Variants in ARHGAP24 observed in about 807,000 individuals in gnomAD.
ARHGAP24 encodes the protein Rho GTPase activating protein 24.
In ARHGAP24, 50 loss-of-function variants were observed where a neutral mutation model predicts 76.4. The observed-to-expected ratio is 0.65, with a 90% CI of 0.52 to 0.83. The LOEUF (loss-of-function observed/expected upper bound fraction) is 0.83. Ranked by LOEUF, ARHGAP24 falls within the 40% of genes least tolerant of loss-of-function variation. ARHGAP24 has a pLI of 0.00. For synonymous variants in ARHGAP24, 345 were observed against 323.3 expected, an observed-to-expected ratio of 1.07 and a Z score of -0.72; for missense variants, 930 against 914.2, an observed-to-expected ratio of 1.02 and a Z score of -0.22.
chr4:85,755,076 A>G (rs1446454237), intron 3 of ARHGAP24, among the ~76,000 whole-genome samples: 3 of 152,204 alleles, frequency 2.0e-5, no homozygotes, highest in African/African-American at 4.8e-5. Flanking sequence ...CACAAACCCT[A>G]TATTAGGCCC....
At chr4:85,980,110 CT>C (rs1739568880) in intron 8 of ARHGAP24, among the ~76,000 whole-genome samples, 1 of 152,156 alleles carries the variant, frequency 6.6e-6, no homozygotes, top group East Asian at 1.9e-4. Context: ...CTCCTGACTT[CT>C]TTTAGTGGGG....
chr4:85,940,491 A>G (rs1057480232), intron 4 of ARHGAP24, among the ~76,000 whole-genome samples: 3 of 152,088 alleles, frequency 2.0e-5, no homozygotes, highest in African/African-American at 7.2e-5. Flanking sequence ...ATTGAACAGG[A>G]CTATGCCACA....
At chr4:85,835,537 CAG>C (rs372480212) in intron 3 of ARHGAP24, among the ~76,000 whole-genome samples, 96 of 118,494 alleles carry the variant, frequency 8.1e-4, no homozygotes, top group African/African-American at 2.8e-3. Flanking sequence ...GCCTGGGTGA[CAG>C]AGTGAGACTC....
At chr4:85,803,907 T>C (rs561973454) in intron 3 of ARHGAP24, among the ~76,000 whole-genome samples, 1 of 152,154 alleles carries the variant, frequency 6.6e-6, no homozygotes, top group African/African-American at 2.4e-5. Flanking sequence ...GGAATTTTTA[T>C]ATTTTTTTAT....
intron 1 of ARHGAP24, among the ~76,000 whole-genome samples, chr4:85,485,361 AAAAAAAAAAAAAAAAATATATATAT>A (rs1226180376): frequency 1.9e-4 from 11 of 58,986 alleles, no homozygotes; most frequent in African/African-American, 2.4e-4. Flanking sequence ...AAAAAAAAAA[AAAAAAAAAAAAAAAAATATATATAT>A]ATATATATAT....
chr4:85,853,040 A>G (rs1731328136), intron 3 of ARHGAP24, among the ~76,000 whole-genome samples: 1 of 152,212 alleles, frequency 6.6e-6, no homozygotes, highest in Non-Finnish European at 1.5e-5. Context: ...AGTCTGCAGA[A>G]GTTTCTGCTG....
intron 3 of ARHGAP24, among the ~76,000 whole-genome samples, chr4:85,838,083 C>G (rs945622410): frequency 2.0e-5 from 3 of 152,182 alleles, no homozygotes; most frequent in East Asian, 3.8e-4. Flanking sequence ...GCCAGCCACT[C>G]TCCTAAGCAT....
intron 5 of ARHGAP24, among the ~76,000 whole-genome samples, chr4:85,946,950 A>C (rs1282985249): frequency 6.6e-6 from 1 of 152,164 alleles, no homozygotes; most frequent in Non-Finnish European, 1.5e-5. Flanking sequence ...TCCCATTAAC[A>C]GTGATTAAGT....
At chr4:85,711,192 G>T (rs2110034646) in intron 2 of ARHGAP24, among the ~76,000 whole-genome samples, 1 of 152,114 alleles carries the variant, frequency 6.6e-6, no homozygotes, top group Admixed American at 6.6e-5. Context: ...CCAGCTAAAT[G>T]ATGAGAACAC....
intron 3 of ARHGAP24, among the ~76,000 whole-genome samples, chr4:85,736,059 T>A (rs1273603509): frequency 1.3e-5 from 2 of 152,214 alleles, no homozygotes; most frequent in Non-Finnish European, 2.9e-5. Flanking sequence ...TTATATATGC[T>A]GTTCCCTCTT....
intron 2 of ARHGAP24, among the ~76,000 whole-genome samples, chr4:85,581,272 A>C (rs1220363079): frequency 1.3e-5 from 2 of 152,126 alleles, no homozygotes; most frequent in African/African-American, 4.8e-5. Context: ...CTTATTGTTT[A>C]TGTTCATGTC....
intron 1 of ARHGAP24, among the ~76,000 whole-genome samples, chr4:85,561,492 G>A (rs1466208719): frequency 6.6e-6 from 1 of 150,796 alleles, no homozygotes; most frequent in Non-Finnish European, 1.5e-5. Flanking sequence ...AAAGTGAACT[G>A]AGAAAACTCA....
chr4:85,713,157 G>T (rs1276422339), intron 2 of ARHGAP24, among the ~76,000 whole-genome samples: 1 of 152,008 alleles, frequency 6.6e-6, no homozygotes, highest in East Asian at 1.9e-4. Context: ...AATTAGCCAG[G>T]CGTGGTGGCA....
At chr4:85,989,102 C>T (rs979382003) in intron 8 of ARHGAP24, among the ~76,000 whole-genome samples, 3 of 151,450 alleles carry the variant, frequency 2.0e-5, no homozygotes, top group Non-Finnish European at 4.4e-5. Flanking sequence ...ACCAGTGAAA[C>T]CAAGAGCTGG....
chr4:85,597,337 T>A (rs779816710), intron 2 of ARHGAP24, among the ~76,000 whole-genome samples: 27 of 152,238 alleles, frequency 1.8e-4, no homozygotes, highest in Middle Eastern at 3.4e-3. Flanking sequence ...CTTTCCACTG[T>A]GTCTAAGGGC....
At chr4:85,803,931 C>CT (rs1226822655) in intron 3 of ARHGAP24, among the ~76,000 whole-genome samples, 147 of 146,738 alleles carry the variant, frequency 1.0e-3, no homozygotes, top group African/African-American at 3.3e-3. Context: ...TGGACAAATT[C>CT]TTTTTTTTTT....
chr4:85,922,667 T>C (rs575495750), intron 3 of ARHGAP24, among the ~76,000 whole-genome samples: 2 of 152,266 alleles, frequency 1.3e-5, no homozygotes, highest in African/African-American at 4.8e-5. Context: ...AGTGAAGGGG[T>C]GCAGGCTCTG....
chr4:85,548,215 T>C (rs1725993598), intron 1 of ARHGAP24, among the ~76,000 whole-genome samples: 1 of 152,190 alleles, frequency 6.6e-6, no homozygotes, highest in African/African-American at 2.4e-5. Context: ...GCTCATTTTG[T>C]ATTTTCCTTG....
chr4:85,625,235 T>G (rs1189487517), intron 2 of ARHGAP24, among the ~76,000 whole-genome samples: 1 of 152,220 alleles, frequency 6.6e-6, no homozygotes, highest in African/African-American at 2.4e-5. Flanking sequence ...CTCTACATAC[T>G]GCTTTGAATG....
Sources: gnomAD v4.1 joint callset for allele counts (sites outside exome capture counted in the v4.1 genomes callset) on GRCh38, gnomAD v4.1.1 for gene constraint, MANE v1.5 for transcripts, NCBI Gene and HGNC (gene_info 2026-07-23, HGNC 2026-07-21) for gene names.